The following PCDHA6 variants were observed in gnomAD, a reference collection of about 807,000 sequenced individuals.
PCDHA6 encodes the protein protocadherin alpha 6, also known as protocadherin alpha-6.
Under a neutral mutation model 60.3 loss-of-function variants are expected in PCDHA6, and 55 were observed. That is an observed-to-expected ratio of 0.91 (90% CI 0.73 to 1.14). The LOEUF (loss-of-function observed/expected upper bound fraction) is 1.14. Ranked by LOEUF, PCDHA6 falls within the 50% of genes most tolerant of loss-of-function variation. The pLI, the probability that PCDHA6 is intolerant of heterozygous loss-of-function variation, is 0.00. For synonymous variants in PCDHA6, 652 were observed against 557.9 expected, an observed-to-expected ratio of 1.17 and a Z score of -2.38; for missense variants, 1,327 against 1,256.5, an observed-to-expected ratio of 1.06 and a Z score of -0.85.
rs2150427952 is a variant in PCDHA6 at position 140,848,985 on chromosome 5, G to A, written c.2394+18500G>A. On this transcript the variant is annotated intron_variant, in intron 1 of 3. Transcript: ENST00000529310. ...GGGCGCGTCCGATGCAGATATCGGG[G>A]AGAACGCCCTGCTCACTTACAGACT... is the stretch of plus-strand genomic sequence containing the variant. 9 of 1,598,558 alleles carry A rather than the reference G, an allele frequency of 5.6e-6. 1 individual carries two copies. The highest frequency in any genetic ancestry group is 6.0e-6 in the Non-Finnish European group (7 of 1,170,226).
intron 1 of PCDHA6, among the ~76,000 whole-genome samples, chr5:140,925,025 C>T (rs1180931899): frequency 6.6e-6 from 1 of 151,492 alleles, no homozygotes; most frequent in Non-Finnish European, 1.5e-5. Context: ...ATGGGAGGAT[C>T]GCTTGAGCCC....
At chr5:140,876,798 CG>C (rs1562719394) in intron 1 of PCDHA6, 1 of 1,614,180 alleles carries the variant, frequency 6.2e-7, no homozygotes, top group East Asian at 2.2e-5. Flanking sequence ...CTAGAGTGTC[CG>C]TGGAGGTGGC....
intron 1 of PCDHA6, among the ~76,000 whole-genome samples, chr5:140,889,361 T>C (rs1005398759): frequency 2.0e-5 from 3 of 152,106 alleles, no homozygotes; most frequent in Non-Finnish European, 4.4e-5. Context: ...GATTACTGAC[T>C]CAATTTTAAT....
chr5:140,911,745 A>G (rs573838491), intron 1 of PCDHA6, among the ~76,000 whole-genome samples: 7 of 151,408 alleles, frequency 4.6e-5, no homozygotes, highest in Non-Finnish European at 1.0e-4. Flanking sequence ...AAGGACTATC[A>G]GTGTTCTCCA....
At position 140,916,615 on chromosome 5, in the gene PCDHA6, T is replaced by C. The variant is rs191815089; in HGVS notation, c.2395-62334T>C. Among the ~76,000 whole-genome samples the C allele has an allele frequency of 2.6e-5, 4 of 152,270 alleles. No homozygotes were observed. In the East Asian group the frequency reaches 5.8e-4, roughly 22 times the overall value. On this transcript the variant is annotated intron_variant, in intron 1 of 3. Transcript: ENST00000529310. ...GGGCCTGGAATGCGGGCCTCATGAC[T>C]CTACTCAATGCCCTATCCTACTGTG...
At chr5:140,856,659 A>C in intron 1 of PCDHA6, 1 of 1,598,186 alleles carries the variant, frequency 6.3e-7, no homozygotes, top group Non-Finnish European at 8.6e-7. Context: ...CGTGAAGAAA[A>C]TCCTCAGCTA....
intron 1 of PCDHA6, among the ~76,000 whole-genome samples, chr5:140,973,377 G>T (rs1176312664): frequency 1.3e-5 from 2 of 152,208 alleles, no homozygotes; most frequent in Non-Finnish European, 2.9e-5. Context: ...ACAATGGTCA[G>T]AATAGACAAA....
chr5:140,917,324 C>CGGGGGGGGGGGGG (rs1299895515), intron 1 of PCDHA6, among the ~76,000 whole-genome samples: 2 of 76,122 alleles, frequency 2.6e-5, no homozygotes, highest in Admixed American at 1.5e-4. Context: ...GTTCATGTGG[C>CGGGGGGGGGGGGG]GGGGGAGGGG....
In PCDHA6 at chr5:140,877,342, G is replaced by A. The variant is rs1462091033; in HGVS notation, c.2394+46857G>A. On this transcript the variant is annotated intron_variant, in intron 1 of 3. Coordinates refer to ENST00000529310, the MANE Select transcript of PCDHA6 (RefSeq NM_018909.4). ...GGTCGGCGCGCACATCCCGTTCCACGTGGGGCTGTACACTGGCGAGATCAG... is the reference window on the plus strand; with the variant it reads ...GGTCGGCGCGCACATCCCGTTCCACATGGGGCTGTACACTGGCGAGATCAG... 5 of 1,613,904 alleles carry A rather than the reference G, an allele frequency of 3.1e-6. No individual in the cohort carries two copies. The African/African-American group carries it at 6.7e-5, about 22-fold the overall frequency.
rs2052689459 is a variant in PCDHA6, at chr5:140,871,081, G to T, written c.2394+40596G>T. 9 of 1,613,214 alleles carry T rather than the reference G, an allele frequency of 5.6e-6. No homozygotes were observed. The African/African-American group carries it at 6.7e-5, about 12-fold the overall frequency. On this transcript the variant is annotated intron_variant, in intron 1 of 3. Coordinates refer to ENST00000529310, the MANE Select transcript of PCDHA6 (RefSeq NM_018909.4). ...GGATCACGGTGAGCCGGCGCTGACG[G>T]CCACGGCCACCGTGCTGGTGTCGTT... is the stretch of plus-strand genomic sequence containing the variant.
At chr5:140,830,650 A>G (rs1771186234) in intron 1 of PCDHA6, 165 bp downstream of exon 1, 2 of 455,226 alleles carry the variant, frequency 4.4e-6, no homozygotes, top group East Asian at 4.5e-5. Flanking sequence ...CTTCTTTAAT[A>G]TTCATAATTT....
intron 1 of PCDHA6, among the ~76,000 whole-genome samples, chr5:140,976,317 G>A (rs1284415282): frequency 6.6e-6 from 1 of 152,212 alleles, no homozygotes; most frequent in Admixed American, 6.5e-5. Context: ...TTGGGAGGCC[G>A]AGGAGGGTGG....
rs1770100550 is a variant in PCDHA6, at chr5:140,829,079, A to C, written c.988A>C (p.Met330Leu). 6.2e-7 allele frequency: 1 copy of C among 1,611,828 alleles called. No homozygotes were observed. Among genetic ancestry groups the C allele is most frequent in the South Asian group, 1.1e-5 (1 of 91,050 alleles). Residue 330 changes from methionine (M) to leucine (L), a missense_variant, in exon 1 of 4, where the codon ATG becomes CTG. Coordinates refer to ENST00000529310, the MANE Select transcript of PCDHA6 (RefSeq NM_018909.4). ...CGCCACGGACAAAGGCCATCCTCCC[A>C]TGGCGGGTCATTGCACCGTTTTAGT... is the stretch of plus-strand genomic sequence containing the variant. ...IDATDKGHPP[M>L]AGHCTVLVRI...
chr5:140,853,126 G>T, intron 1 of PCDHA6: 1 of 560,330 alleles, frequency 1.8e-6, no homozygotes. Flanking sequence ...TGATCCTCCC[G>T]CCTCAGCCTC....
At chr5:140,839,335 G>T (rs923438912) in intron 1 of PCDHA6, among the ~76,000 whole-genome samples, 4 of 151,494 alleles carry the variant, frequency 2.6e-5, no homozygotes, top group Non-Finnish European at 4.4e-5. Flanking sequence ...ACCTGAAGTT[G>T]ATAGGGGATC....
At chr5:140,957,191 T>C (rs1302296413) in intron 1 of PCDHA6, among the ~76,000 whole-genome samples, 1 of 152,150 alleles carries the variant, frequency 6.6e-6, no homozygotes, top group Non-Finnish European at 1.5e-5. Flanking sequence ...TGATGACCGA[T>C]TGGGAATATA....
Position 140,941,218 on chromosome 5 carries a change from T to C in PCDHA6, c.2395-37731T>C, listed in dbSNP as rs552463058. ...TTCTTTCTTCCTTTCTTTCTTCCTT[T>C]CTTTCTTTCTTTCTTTCTTTCTTTC... On this transcript the variant is annotated intron_variant, in intron 1 of 3. Transcript: ENST00000529310. 5.6e-5 allele frequency among the ~76,000 whole-genome samples: 7 copies of C among 125,730 alleles called. No homozygotes were observed. In the South Asian group the frequency reaches 7.6e-4, roughly 14 times the overall value. 82.5% of individuals were successfully genotyped at this position (125,730 alleles called of 152,430 possible). A position where few individuals can be genotyped will look rare whatever the true frequency, so the allele number is the denominator to read the frequency against.
intron 3 of PCDHA6, among the ~76,000 whole-genome samples, chr5:140,994,140 A>G (rs768317904): frequency 7.2e-5 from 11 of 152,230 alleles, no homozygotes; most frequent in Non-Finnish European, 1.5e-4. Context: ...ATAATGCCCT[A>G]CGTAGGTAGG....
intron 1 of PCDHA6, among the ~76,000 whole-genome samples, chr5:140,917,252 C>T (rs536856521): frequency 3.2e-4 from 47 of 149,018 alleles, no homozygotes; most frequent in Non-Finnish European, 4.9e-4. Flanking sequence ...TACGATTGCT[C>T]ACCTGATGTT....
Sources: gnomAD v4.1 joint callset for allele counts (sites outside exome capture counted in the v4.1 genomes callset) on GRCh38, gnomAD v4.1.1 for gene constraint, MANE v1.5 for transcripts, NCBI Gene and HGNC (gene_info 2026-07-23, HGNC 2026-07-21) for gene names.